The following TMEM184C variants were observed in gnomAD, a reference collection of about 807,000 sequenced individuals.
TMEM184C encodes the protein transmembrane protein 184C.
A neutral mutation model predicts 54.5 loss-of-function variants in TMEM184C; 25 were observed. The observed-to-expected ratio is 0.46, with a 90% CI of 0.33 to 0.64. The LOEUF (loss-of-function observed/expected upper bound fraction) is 0.64. Ranked by LOEUF, TMEM184C falls within the 30% of genes least tolerant of loss-of-function variation. The probability of loss-of-function intolerance (pLI) is 0.02; values close to 1 mark genes in which losing one functional copy is unlikely to be tolerated. For missense variants in TMEM184C, 335 were observed against 520.3 expected, an observed-to-expected ratio of 0.64 and a Z score of 3.46; for synonymous variants, 148 against 181.5, an observed-to-expected ratio of 0.82 and a Z score of 1.49.
rs774005136 is a variant in TMEM184C at position 147,623,935 on chromosome 4, A to C, written c.225A>C (p.Thr75=). ...TATTGCAACACTTAGTGCATTATACACAACCTGAACTACAAAAACCAATAA... is the reference window on the plus strand; with the variant it reads ...TATTGCAACACTTAGTGCATTATACCCAACCTGAACTACAAAAACCAATAA... ...WVILQHLVHY[T]QPELQKPIIR... is the part of the protein sequence containing the mutation. The change falls in exon 2 of 10, where the codon ACA becomes ACC. Residue 75 remains threonine, a synonymous_variant. Coordinates refer to ENST00000296582, the MANE Select transcript of TMEM184C (RefSeq NM_018241.3). 8 of 1,613,966 alleles carry C rather than the reference A, an allele frequency of 5.0e-6. No individual in the cohort carries two copies. In the Admixed American group the frequency reaches 1.2e-4, roughly 24 times the overall value.
At chr4:147,623,003 T>C (rs1732740188) in intron 1 of TMEM184C, among the ~76,000 whole-genome samples, 1 of 152,174 alleles carries the variant, frequency 6.6e-6, no homozygotes, top group South Asian at 2.1e-4. Context: ...GCTCAAGCAA[T>C]CATGAGCCAC....
chr4:147,618,132 T>C (rs1578855677), intron 1 of TMEM184C, 53 bp downstream of exon 1: 1 of 1,609,240 alleles, frequency 6.2e-7, no homozygotes, highest in South Asian at 1.1e-5. Context: ...CCATCTATGG[T>C]TGGGAAAGAG....
chr4:147,625,730 T>G (rs1387780866), intron 4 of TMEM184C, among the ~76,000 whole-genome samples: 1 of 152,128 alleles, frequency 6.6e-6, no homozygotes, highest in African/African-American at 2.4e-5. Context: ...AGAATGCAAC[T>G]GAAAAATCAA....
intron 1 of TMEM184C, among the ~76,000 whole-genome samples, chr4:147,620,511 C>T (rs1732689112): frequency 6.6e-6 from 1 of 152,188 alleles, no homozygotes; most frequent in South Asian, 2.1e-4. Flanking sequence ...GAAAATAAAG[C>T]AGAAGTGAAG....
chr4:147,632,163 A>T (rs1165409681), intron 7 of TMEM184C, among the ~76,000 whole-genome samples: 3 of 118,534 alleles, frequency 2.5e-5, no homozygotes, highest in Non-Finnish European at 3.5e-5. Context: ...CCAGAGTGAA[A>T]CTCTGTCTCA....
chr4:147,621,593 T>C (rs1389618002), intron 1 of TMEM184C, among the ~76,000 whole-genome samples: 1 of 152,190 alleles, frequency 6.6e-6, no homozygotes, highest in East Asian at 1.9e-4. Context: ...CTTAAATATA[T>C]ACACACATAA....
At chr4:147,624,143 A>T in intron 3 of TMEM184C, 45 bp downstream of exon 3, 1 of 1,488,214 alleles carries the variant, frequency 6.7e-7, no homozygotes, top group South Asian at 1.2e-5. Flanking sequence ...GACTTGTTTG[A>T]TGATACTATA....
chr4:147,634,074 G>A (rs944831824), intron 9 of TMEM184C, 95 bp from the exon 10 acceptor site: 36 of 1,524,442 alleles, frequency 2.4e-5, no homozygotes, highest in Non-Finnish European at 3.1e-5. Flanking sequence ...CAACTTTGGG[G>A]AGTGGGAGAG....
chr4:147,624,242 G>A lies in TMEM184C; in HGVS notation c.291+144G>A. ...AGGTTCACTTGTTTCTAATGATAGA[G>A]AATATAAAGTATAATTAAAAATGTA... On this transcript the variant is annotated intron_variant, in intron 3 of 9. Transcript: ENST00000296582. 3 of 622,554 alleles carry A rather than the reference G, an allele frequency of 4.8e-6. No homozygotes were observed. The Admixed American group carries it at 1.1e-4, about 22-fold the overall frequency. 38.6% of individuals were successfully genotyped at this position (622,554 alleles called of 1,614,324 possible).
intron 7 of TMEM184C, among the ~76,000 whole-genome samples, chr4:147,632,051 G>A (rs370922573): frequency 1.6e-4 from 25 of 151,726 alleles, no homozygotes; most frequent in African/African-American, 5.8e-4. Context: ...GCAGGCACCT[G>A]TAATCCAAGC....
chr4:147,633,640 A>T, intron 8 of TMEM184C, 125 bp from the exon 9 acceptor site: 1 of 798,734 alleles, frequency 1.3e-6, no homozygotes, highest in Non-Finnish European at 1.8e-6. Flanking sequence ...AAATGAATAT[A>T]ATCTGAGAAG....
In TMEM184C at chr4:147,635,488, C is replaced by T. The variant is rs985270459; in HGVS notation, c.*1054C>T. ...GGGTTTCTCTAATTGCTAATCACAA[C>T]CCCACTGGGTCATGTTTGACATTTT... On this transcript the variant is annotated 3_prime_UTR_variant, in exon 10 of 10. Transcript: ENST00000296582. The T allele has an allele frequency of 6.6e-6, 1 of 152,136 alleles. No homozygotes were observed. The highest frequency in any genetic ancestry group is 2.4e-5 in the African/African-American group (1 of 41,424). The allele number at this position is 152,136 out of a possible 1,614,324, so 9.4% of individuals were successfully genotyped here. A position where few individuals can be genotyped will look rare whatever the true frequency, so the allele number is the denominator to read the frequency against.
chr4:147,624,111 CATTTTT>C lies in TMEM184C; in HGVS notation c.291+16_291+21del, dbSNP rs1179763176. The C allele has an allele frequency of 1.1e-5, 18 of 1,582,848 alleles. No individual in the cohort carries two copies. Among genetic ancestry groups the C allele is most frequent in the Non-Finnish European group, 1.5e-5 (17 of 1,156,352 alleles). ...CAGTTTAGATAGTGTAAGTATGTTTCATTTTTATCTCATTAACTAAGGACTTGTTTG... is the reference window on the plus strand; with the variant it reads ...CAGTTTAGATAGTGTAAGTATGTTTCATCTCATTAACTAAGGACTTGTTTG... On this transcript the variant is annotated intron_variant, in intron 3 of 9. Transcript: ENST00000296582.
chr4:147,628,373 T>A lies in TMEM184C; in HGVS notation c.510T>A (p.Phe170Leu). Reference protein sequence around the residue: ...PPWAMGEVLLFRCKLGVLQYT... With the variant: ...PPWAMGEVLLLRCKLGVLQYT... Reference sequence around the variant, plus strand: ...TTTTCTTTTGCAGAGTATTGCTGTTTAGGTGCAAACTAGGTGTATTACAGT... The same window carrying A: ...TTTTCTTTTGCAGAGTATTGCTGTTAAGGTGCAAACTAGGTGTATTACAGT... Residue 170 changes from phenylalanine to leucine, a missense_variant, in exon 5 of 10, where the codon TTT becomes TTA. Physicochemically the swap from Phe to Leu is conservative, Grantham distance 22. Coordinates refer to ENST00000296582, the MANE Select transcript of TMEM184C (RefSeq NM_018241.3). 6.2e-7 allele frequency: 1 copy of A among 1,612,750 alleles called. No homozygotes were observed. The highest frequency in any genetic ancestry group is 8.5e-7 in the Non-Finnish European group (1 of 1,179,680).
At chr4:147,632,818 ATTT>A in intron 7 of TMEM184C, 82 bp from the exon 8 acceptor site, 1 of 1,183,362 alleles carries the variant, frequency 8.5e-7, no homozygotes, top group Non-Finnish European at 1.2e-6. Flanking sequence ...GTTGCACTGG[ATTT>A]TTTTTTAATG....
In TMEM184C at chr4:147,634,827, T is replaced by C. The variant is rs1238794944; in HGVS notation, c.*393T>C. 1 of 159,268 alleles carries C rather than the reference T, an allele frequency of 6.3e-6. No individual in the cohort carries two copies. The highest frequency in any genetic ancestry group is 1.4e-5 in the Non-Finnish European group (1 of 72,888). The allele number at this position is 159,268 out of a possible 1,614,324, so 9.9% of individuals were successfully genotyped here. ...CTGCAAGCTCTGCCTCCCAAGTTCA[T>C]GCCATTCTCCTGCCTCAGCCTCCCA... is the stretch of plus-strand genomic sequence containing the variant. On this transcript the variant is annotated 3_prime_UTR_variant, in exon 10 of 10. Transcript: ENST00000296582.
At chr4:147,622,846 T>C (rs1732737583) in intron 1 of TMEM184C, among the ~76,000 whole-genome samples, 1 of 152,124 alleles carries the variant, frequency 6.6e-6, no homozygotes, top group African/African-American at 2.4e-5. Context: ...CACTGTAGCC[T>C]TGAACTCCTG....
intron 6 of TMEM184C, 38 bp from the exon 7 acceptor site, chr4:147,631,355 T>G (rs779345916): frequency 6.9e-7 from 1 of 1,439,764 alleles, no homozygotes. Flanking sequence ...TTACCATATC[T>G]ATTACTGAAC....
intron 5 of TMEM184C, among the ~76,000 whole-genome samples, chr4:147,628,894 A>G (rs1227547180): frequency 1.3e-5 from 2 of 152,180 alleles, no homozygotes. Flanking sequence ...TCATTAAGCT[A>G]CCTGGCAAAA....
Sources: gnomAD v4.1 joint callset for allele counts (sites outside exome capture counted in the v4.1 genomes callset) on GRCh38, gnomAD v4.1.1 for gene constraint, MANE v1.5 for transcripts, NCBI Gene and HGNC (gene_info 2026-07-23, HGNC 2026-07-21) for gene names.